The following XPR1 variants were observed in gnomAD, a reference collection of about 807,000 sequenced individuals.
XPR1 encodes solute carrier family 53 member 1.
A neutral mutation model predicts 87.5 loss-of-function variants in XPR1; 28 were observed. The observed-to-expected ratio is 0.32, with a 90% confidence interval of 0.24 to 0.44. The LOEUF (loss-of-function observed/expected upper bound fraction) is 0.44. XPR1 is among the 20% of genes least tolerant of loss of function. The pLI is 1.00. For missense variants in XPR1, 559 were observed against 862.3 expected, an observed-to-expected ratio of 0.65 and a Z score of 4.41; for synonymous variants, 300 against 306.1, an observed-to-expected ratio of 0.98 and a Z score of 0.21.
chr1:180,667,492 T>G (rs1354193214), intron 1 of XPR1, among the ~76,000 whole-genome samples: 1 of 152,136 alleles, frequency 6.6e-6, no homozygotes, highest in African/African-American at 2.4e-5. Context: ...ATGATGCTGA[T>G]TTTGGTTTTC....
At chr1:180,714,876 T>G (rs1657935551) in intron 2 of XPR1, among the ~76,000 whole-genome samples, 1 of 151,646 alleles carries the variant, frequency 6.6e-6, no homozygotes, top group African/African-American at 2.4e-5. Flanking sequence ...AGAATGCTGA[T>G]ATACAGTAGT....
intron 7 of XPR1, among the ~76,000 whole-genome samples, chr1:180,821,339 T>C (rs1396166788): frequency 6.6e-6 from 1 of 152,222 alleles, no homozygotes; most frequent in Admixed American, 6.5e-5. Context: ...TTGGCACTCA[T>C]GTTGAAAATC....
chr1:180,716,206 G>A (rs1017586127), intron 2 of XPR1, among the ~76,000 whole-genome samples: 4 of 151,910 alleles, frequency 2.6e-5, no homozygotes, highest in Admixed American at 6.6e-5. Flanking sequence ...GCGCTGCCTC[G>A]AACTACTGGG....
At chr1:180,671,796 A>AG (rs1385755863) in intron 1 of XPR1, among the ~76,000 whole-genome samples, 41 of 152,240 alleles carry the variant, frequency 2.7e-4, no homozygotes, top group African/African-American at 9.9e-4. Context: ...TACAGGTGTG[A>AG]GTCACCGCAC....
intron 10 of XPR1, among the ~76,000 whole-genome samples, 153 bp from the exon 11 acceptor site, chr1:180,836,369 G>T (rs1441911231): frequency 6.7e-6 from 1 of 149,262 alleles, no homozygotes; most frequent in African/African-American, 2.5e-5. Context: ...AAAAAAAAAA[G>T]AAAATCTTGA....
intron 2 of XPR1, among the ~76,000 whole-genome samples, chr1:180,730,294 C>G (rs1410489508): frequency 2.0e-5 from 3 of 152,046 alleles, no homozygotes; most frequent in Admixed American, 6.5e-5. Flanking sequence ...ACTGTAGCCT[C>G]ATTGTATAGT....
intron 2 of XPR1, among the ~76,000 whole-genome samples, chr1:180,748,859 A>G (rs761365945): frequency 6.6e-6 from 1 of 152,138 alleles, no homozygotes; most frequent in Non-Finnish European, 1.5e-5. Context: ...AAATTGGCAA[A>G]TATGCAAATC....
chr1:180,728,296 CT>C (rs1399039679), intron 2 of XPR1, among the ~76,000 whole-genome samples: 2 of 72,552 alleles, frequency 2.8e-5, no homozygotes, highest in Non-Finnish European at 2.8e-5. Flanking sequence ...TTGTTTATAA[CT>C]GGGGGGGGGG....
At chr1:180,825,384 A>G (rs2102152692) in intron 9 of XPR1, 40 bp downstream of exon 9, 2 of 1,571,964 alleles carry the variant, frequency 1.3e-6, no homozygotes, top group East Asian at 2.2e-5. Context: ...AGAGTGGCAT[A>G]TTGGTTATTG....
chr1:180,884,070 T>TTCTGAAG lies in XPR1; in HGVS notation c.*8_*14dup, dbSNP rs1652930188. On this transcript the variant is annotated 3_prime_UTR_variant, in exon 15 of 15. Transcript: ENST00000367590. ...AGATGATGAAGCTAACACTTGAATT[T>TTCTGAAG]TCTGAAGTCTAGCTTAACATCTTTG... 6.2e-7 allele frequency: 1 copy of TTCTGAAG among 1,613,844 alleles called. No individual in the cohort carries two copies. Among genetic ancestry groups the TTCTGAAG allele is most frequent in the African/African-American group, 1.3e-5 (1 of 75,042 alleles).
At chr1:180,733,974 G>GTTA (rs1445660889) in intron 2 of XPR1, among the ~76,000 whole-genome samples, 1 of 152,108 alleles carries the variant, frequency 6.6e-6, no homozygotes, top group Non-Finnish European at 1.5e-5. Context: ...TTTGAGGACA[G>GTTA]TTATAATTAT....
chr1:180,676,614 G>A (rs1656376825), intron 1 of XPR1, among the ~76,000 whole-genome samples: 1 of 152,066 alleles, frequency 6.6e-6, no homozygotes. Context: ...TCTAATGTGG[G>A]TACAAAAGAC....
chr1:180,799,417 G>C (rs1373070082), intron 3 of XPR1, among the ~76,000 whole-genome samples: 1 of 152,116 alleles, frequency 6.6e-6, no homozygotes, highest in East Asian at 1.9e-4. Flanking sequence ...TTAGGCCATT[G>C]ATCAGCTTTT....
intron 2 of XPR1, among the ~76,000 whole-genome samples, chr1:180,702,878 T>C (rs1657399901): frequency 6.6e-6 from 1 of 152,190 alleles, no homozygotes; most frequent in African/African-American, 2.4e-5. Context: ...ATCCTTATGC[T>C]GATATCTGCA....
At chr1:180,796,086 G>A (rs192549007) in intron 3 of XPR1, among the ~76,000 whole-genome samples, 24 of 152,234 alleles carry the variant, frequency 1.6e-4, no homozygotes, top group Admixed American at 1.2e-3. Flanking sequence ...GGGATTACAG[G>A]CGTGAGCGAC....
chr1:180,818,116 A>G (rs930526466), intron 7 of XPR1, among the ~76,000 whole-genome samples: 4 of 152,192 alleles, frequency 2.6e-5, no homozygotes, highest in African/African-American at 9.6e-5. Flanking sequence ...AATTCTTGAA[A>G]GATAATAGAC....
chr1:180,678,092 G>A lies in XPR1; in HGVS notation c.70-4268G>A, dbSNP rs981764352. Among the ~76,000 whole-genome samples the A allele has an allele frequency of 5.9e-5, 9 of 152,330 alleles. No homozygotes were observed. The East Asian group carries it at 1.3e-3, about 23-fold the overall frequency. On this transcript the variant is annotated intron_variant, in intron 1 of 14. Coordinates refer to ENST00000367590, the MANE Select transcript of XPR1 (RefSeq NM_004736.4). ...TTATAAAGGATGCAACTTAAAAACA[G>A]CCTAATGGAGAGATGCATAGTGCAA... is the stretch of plus-strand genomic sequence containing the variant.
intron 1 of XPR1, among the ~76,000 whole-genome samples, chr1:180,635,729 A>G (rs1265119464): frequency 6.6e-6 from 1 of 152,184 alleles, no homozygotes; most frequent in African/African-American, 2.4e-5. Context: ...GTAAGCATTG[A>G]GAGTCCGGTC....
At chr1:180,848,920 C>A (rs1338993948) in intron 11 of XPR1, among the ~76,000 whole-genome samples, 4 of 152,104 alleles carry the variant, frequency 2.6e-5, no homozygotes, top group African/African-American at 9.7e-5. Flanking sequence ...TTAAATGTTA[C>A]CATATCACTA....
Sources: allele counts gnomAD v4.1 joint callset (sites outside exome capture counted in the v4.1 genomes callset), GRCh38; gene constraint gnomAD v4.1.1; transcripts MANE v1.5; gene names NCBI Gene and HGNC (gene_info 2026-07-23, HGNC 2026-07-21).